Variants in MGAT4C observed in about 807,000 individuals in gnomAD.
The protein encoded by MGAT4C is MGAT4 family member C.
In MGAT4C, 19 loss-of-function variants were observed where a neutral mutation model predicts 40.1. The ratio of observed to expected loss-of-function variants is 0.47; its 90% CI spans 0.33 to 0.70. The LOEUF (loss-of-function observed/expected upper bound fraction) is 0.70. Among genes scored for constraint, MGAT4C ranks in the 30% least tolerant of loss-of-function variants. The pLI is 0.02. For synonymous variants in MGAT4C, 181 were observed against 187.1 expected (o/e 0.97, Z 0.27); for missense variants, 491 against 563.2 (o/e 0.87, Z 1.30).
chr12:86,808,069 A>G (rs1429362967), intron 1 of MGAT4C, among the ~76,000 whole-genome samples: 1 of 152,010 alleles, frequency 6.6e-6, no homozygotes, highest in Non-Finnish European at 1.5e-5. Flanking sequence ...CACCCTCCCA[A>G]GGCTGAACTA....
intron 1 of MGAT4C, among the ~76,000 whole-genome samples, chr12:86,065,691 T>C (rs1271895575): frequency 6.6e-6 from 1 of 152,128 alleles, no homozygotes; most frequent in East Asian, 1.9e-4. Flanking sequence ...TTCAACATAG[T>C]ATTGGAAGTT....
At chr12:86,426,080 C>T (rs1956919675) in intron 3 of MGAT4C, among the ~76,000 whole-genome samples, 1 of 152,082 alleles carries the variant, frequency 6.6e-6, no homozygotes, top group South Asian at 2.1e-4. Context: ...GAGTGTATTT[C>T]ACTTAATAAC....
chr12:86,825,422 T>C (rs1402894891), intron 1 of MGAT4C, among the ~76,000 whole-genome samples: 2 of 151,230 alleles, frequency 1.3e-5, no homozygotes, highest in African/African-American at 2.4e-5. Context: ...ATAGACAATT[T>C]AAACATAAAG....
intron 1 of MGAT4C, among the ~76,000 whole-genome samples, chr12:86,790,652 C>T (rs1322754679): frequency 6.6e-6 from 1 of 151,940 alleles, no homozygotes; most frequent in Non-Finnish European, 1.5e-5. Flanking sequence ...TGCTAAGCTA[C>T]AGAAAGAAGT....
intron 2 of MGAT4C, among the ~76,000 whole-genome samples, chr12:86,677,149 C>G (rs1290489007): frequency 6.6e-6 from 1 of 152,072 alleles, no homozygotes; most frequent in Non-Finnish European, 1.5e-5. Flanking sequence ...TTAACCAATA[C>G]TTAATTACCT....
At chr12:86,593,177 A>C (rs1008334539) in intron 2 of MGAT4C, among the ~76,000 whole-genome samples, 1 of 152,010 alleles carries the variant, frequency 6.6e-6, no homozygotes, top group African/African-American at 2.4e-5. Flanking sequence ...ACAATTGTTC[A>C]TAATATTTAT....
chr12:86,011,931 T>C (rs7302043), intron 2 of MGAT4C: 255,358 of 859,422 alleles, frequency 0.3, 39,242 homozygotes, highest in Non-Finnish European at 0.32. Flanking sequence ...CAAATGAAGA[T>C]GAGTTACTTG....
intron 2 of MGAT4C, among the ~76,000 whole-genome samples, chr12:86,543,442 G>T (rs1441891337): frequency 6.6e-6 from 1 of 151,754 alleles, no homozygotes; most frequent in South Asian, 2.1e-4. Flanking sequence ...AAATTCCTTA[G>T]ATTATTCTGT....
chr12:86,242,082 T>C (rs1041204358), intron 1 of MGAT4C, among the ~76,000 whole-genome samples: 1 of 152,142 alleles, frequency 6.6e-6, no homozygotes, highest in Non-Finnish European at 1.5e-5. Flanking sequence ...TGCCTCCCTT[T>C]GCTGGGGACC....
chr12:86,791,836 G>A (rs952638547), intron 1 of MGAT4C, among the ~76,000 whole-genome samples: 1 of 152,108 alleles, frequency 6.6e-6, no homozygotes, highest in Non-Finnish European at 1.5e-5. Flanking sequence ...ACATCCAGAT[G>A]GAATTTGCCT....
chr12:86,172,130 G>A (rs930108918), intron 1 of MGAT4C, among the ~76,000 whole-genome samples: 6 of 152,120 alleles, frequency 3.9e-5, no homozygotes, highest in African/African-American at 1.2e-4. Context: ...TGAATTGAAT[G>A]AAGTAATATG....
chr12:86,382,165 A>G (rs894405077), intron 3 of MGAT4C, among the ~76,000 whole-genome samples: 1 of 152,214 alleles, frequency 6.6e-6, no homozygotes, highest in South Asian at 2.1e-4. Flanking sequence ...AATGGCATTG[A>G]CCAAAATGCT....
intron 4 of MGAT4C, among the ~76,000 whole-genome samples, chr12:86,262,929 T>C (rs1952690673): frequency 6.6e-6 from 1 of 152,122 alleles, no homozygotes; most frequent in African/African-American, 2.4e-5. Context: ...ACTTTATTCC[T>C]AGATATAGTA....
intron 1 of MGAT4C, among the ~76,000 whole-genome samples, chr12:86,100,568 A>G (rs559581789): frequency 6.6e-6 from 1 of 151,612 alleles, no homozygotes; most frequent in South Asian, 2.1e-4. Context: ...ATATAATGTT[A>G]TGGAAATTAC....
chr12:86,389,577 T>C (rs1956127944), intron 3 of MGAT4C, among the ~76,000 whole-genome samples: 1 of 152,196 alleles, frequency 6.6e-6, no homozygotes, highest in South Asian at 2.1e-4. Flanking sequence ...GATTGTTGGG[T>C]CAAATGGTAT....
At chr12:86,521,339 T>C (rs2136359610) in intron 2 of MGAT4C, among the ~76,000 whole-genome samples, 1 of 152,258 alleles carries the variant, frequency 6.6e-6, no homozygotes, top group African/African-American at 2.4e-5. Flanking sequence ...CCTTTACCCA[T>C]TGCTTGTTTT....
At chr12:86,403,294 G>C (rs1180433365) in intron 3 of MGAT4C, among the ~76,000 whole-genome samples, 1 of 152,148 alleles carries the variant, frequency 6.6e-6, no homozygotes, top group Non-Finnish European at 1.5e-5. Context: ...AATATATTTA[G>C]ACAATGGTCT....
At chr12:86,234,277 C>T (rs1439239664) in intron 1 of MGAT4C, among the ~76,000 whole-genome samples, 1 of 151,936 alleles carries the variant, frequency 6.6e-6, no homozygotes, top group African/African-American at 2.4e-5. Context: ...TAATGTAGAG[C>T]CAGCATTTGG....
chr12:86,030,500 A>AACTGAAAGACC lies in MGAT4C; in HGVS notation c.-7+19173_-7+19174insGGTCTTTCAGT, dbSNP rs536105104. Among the ~76,000 whole-genome samples the AACTGAAAGACC allele has an allele frequency of 6.6e-5, 10 of 151,904 alleles. No homozygotes were observed. The South Asian group carries it at 1.2e-3, about 19-fold the overall frequency. ...TACACTTGTATCAAAGACCAACAAT[A>AACTGAAAGACC]AAAAACACTGAAAAGGTTTACTAGT... On this transcript the variant is annotated intron_variant, in intron 2 of 4. Coordinates refer to ENST00000611864, the MANE Select transcript of MGAT4C (RefSeq NM_001351288.2).
Sources: gnomAD v4.1 joint callset for allele counts (sites outside exome capture counted in the v4.1 genomes callset) on GRCh38, gnomAD v4.1.1 for gene constraint, MANE v1.5 for transcripts, NCBI Gene and HGNC (gene_info 2026-07-23, HGNC 2026-07-21) for gene names.